The following RPS6KA2 variants were observed in gnomAD, a reference collection of about 807,000 sequenced individuals.
RPS6KA2 encodes the protein ribosomal protein S6 kinase A2.
In RPS6KA2, 42 loss-of-function variants were observed where a neutral mutation model predicts 91.8. The observed-to-expected ratio is 0.46, with a 90% CI of 0.36 to 0.59. RPS6KA2 has a LOEUF of 0.59. RPS6KA2 is among the 20% of genes least tolerant of loss of function. RPS6KA2 has a pLI of 0.00. For synonymous variants in RPS6KA2, 414 were observed against 393.6 expected, an observed-to-expected ratio of 1.05 and a Z score of -0.61; for missense variants, 798 against 978.5, an observed-to-expected ratio of 0.82 and a Z score of 2.46.
chr6:166,757,290 GCTCAAACACACC>G (rs1269586212), intron 2 of RPS6KA2, among the ~76,000 whole-genome samples: 3 of 152,084 alleles, frequency 2.0e-5, no homozygotes, highest in Non-Finnish European at 4.4e-5. Flanking sequence ...GTTTTCTTGG[GCTCAAACACACC>G]CTCAAACACA....
intron 1 of RPS6KA2, among the ~76,000 whole-genome samples, chr6:166,600,120 G>C (rs968503361): frequency 2.0e-5 from 3 of 152,268 alleles, no homozygotes; most frequent in African/African-American, 7.2e-5. Context: ...CAATCCTCCT[G>C]CCTCAGCTTC....
chr6:166,503,088 T>C (rs1363360290), intron 6 of RPS6KA2, among the ~76,000 whole-genome samples: 1 of 152,258 alleles, frequency 6.6e-6, no homozygotes, highest in African/African-American at 2.4e-5. Context: ...TTAAATAATT[T>C]TGTGTATGAA....
intron 2 of RPS6KA2, among the ~76,000 whole-genome samples, chr6:166,650,392 A>AG (rs1413239061): frequency 1.8e-4 from 26 of 141,372 alleles, no homozygotes; most frequent in African/African-American, 6.6e-4. Flanking sequence ...GGTGGGAGGG[A>AG]GGGGGTCCAT....
In RPS6KA2 at chr6:166,664,313, C is replaced by T. The variant is rs138909194; in HGVS notation, c.124-125529G>A. On this transcript the variant is annotated intron_variant, in intron 2 of 21. Transcript: ENST00000503859. ...GAGCCCAGTGAGCTCACAGCTGGAA[C>T]GCTGCTCCACGGGACTGAAAGTAAA... Among the ~76,000 whole-genome samples the T allele has an allele frequency of 4.9e-3, 749 of 152,354 alleles. 9 individuals are homozygous for T. The highest frequency in any genetic ancestry group is 0.017 in the African/African-American group (704 of 41,572).
chr6:166,467,426 A>G (rs183129834), intron 11 of RPS6KA2, among the ~76,000 whole-genome samples: 35 of 152,266 alleles, frequency 2.3e-4, no homozygotes, highest in African/African-American at 6.5e-4. Context: ...GCGAGTCAGA[A>G]AGTGATAAGG....
chr6:166,551,065 G>C (rs1328396286), intron 1 of RPS6KA2, among the ~76,000 whole-genome samples: 3 of 149,340 alleles, frequency 2.0e-5, no homozygotes, highest in African/African-American at 7.3e-5. Flanking sequence ...ACTGAGTTAA[G>C]TGTGATACAT....
At chr6:166,681,378 C>G (rs534964218) in intron 2 of RPS6KA2, among the ~76,000 whole-genome samples, 142 of 152,206 alleles carry the variant, frequency 9.3e-4, no homozygotes, top group African/African-American at 3.3e-3. Flanking sequence ...AATTATAAAC[C>G]AACTCATTGC....
chr6:166,566,973 G>A (rs947452308), intron 1 of RPS6KA2, among the ~76,000 whole-genome samples: 5 of 152,206 alleles, frequency 3.3e-5, no homozygotes, highest in Non-Finnish European at 7.3e-5. Context: ...TTACATCGTC[G>A]CAGGTGCAAA....
intron 14 of RPS6KA2, among the ~76,000 whole-genome samples, chr6:166,438,230 A>G (rs1779403473): frequency 6.6e-6 from 1 of 152,254 alleles, no homozygotes; most frequent in South Asian, 2.1e-4. Flanking sequence ...TTCTCCTTCT[A>G]AAAATAAGCT....
intron 11 of RPS6KA2, among the ~76,000 whole-genome samples, chr6:166,461,780 G>T (rs975096836): frequency 6.6e-6 from 1 of 152,148 alleles, no homozygotes; most frequent in African/African-American, 2.4e-5. Flanking sequence ...GAAAGCAGGG[G>T]CCCACATGGC....
chr6:166,458,776 A>C (rs1780181829), intron 12 of RPS6KA2, among the ~76,000 whole-genome samples: 1 of 152,222 alleles, frequency 6.6e-6, no homozygotes, highest in African/African-American at 2.4e-5. Context: ...GACTGTGAGA[A>C]AATAAATGAC....
chr6:166,421,625 C>A (rs1341384696), intron 17 of RPS6KA2, among the ~76,000 whole-genome samples: 3 of 152,184 alleles, frequency 2.0e-5, no homozygotes, highest in Non-Finnish European at 4.4e-5. Flanking sequence ...TAAAAATTCT[C>A]TGTTCTTTGT....
chr6:166,715,641 G>A (rs566143206), intron 2 of RPS6KA2, among the ~76,000 whole-genome samples: 18 of 152,264 alleles, frequency 1.2e-4, no homozygotes, highest in Admixed American at 3.3e-4. Flanking sequence ...GGCACACACC[G>A]AGGCTATCTG....
At chr6:166,658,298 C>T (rs776757651) in intron 2 of RPS6KA2, among the ~76,000 whole-genome samples, 9 of 152,164 alleles carry the variant, frequency 5.9e-5, no homozygotes, top group Non-Finnish European at 1.2e-4. Flanking sequence ...CTATGCTGAA[C>T]GCTGCATGTG....
At chr6:166,731,635 G>A (rs1790522535) in intron 2 of RPS6KA2, among the ~76,000 whole-genome samples, 1 of 151,932 alleles carries the variant, frequency 6.6e-6, no homozygotes, top group Non-Finnish European at 1.5e-5. Context: ...GGCATCTCCT[G>A]CTTGAGTCGC....
intron 10 of RPS6KA2, among the ~76,000 whole-genome samples, chr6:166,482,459 T>C (rs981941260): frequency 6.6e-6 from 1 of 152,186 alleles, no homozygotes; most frequent in African/African-American, 2.4e-5. Context: ...TCCCAGGAAA[T>C]TCTCTGAGTA....
At chr6:166,477,334 G>A (rs1346407366) in intron 10 of RPS6KA2, among the ~76,000 whole-genome samples, 3 of 152,050 alleles carry the variant, frequency 2.0e-5, no homozygotes, top group Non-Finnish European at 4.4e-5. Flanking sequence ...GCTTCCAGGG[G>A]GCTGGTATCT....
chr6:166,462,772 G>A (rs1356905231), intron 11 of RPS6KA2, among the ~76,000 whole-genome samples: 1 of 152,196 alleles, frequency 6.6e-6, no homozygotes, highest in Non-Finnish European at 1.5e-5. Context: ...TCCACCCCTC[G>A]GCTGTGAGCC....
intron 11 of RPS6KA2, among the ~76,000 whole-genome samples, chr6:166,468,334 G>A (rs1356349953): frequency 2.6e-5 from 4 of 152,182 alleles, no homozygotes; most frequent in Non-Finnish European, 5.9e-5. Flanking sequence ...TCTTACTTTC[G>A]AAAAGAAGTC....
Sources: gnomAD v4.1 joint callset for allele counts (sites outside exome capture counted in the v4.1 genomes callset) on GRCh38, gnomAD v4.1.1 for gene constraint, MANE v1.5 for transcripts, NCBI Gene and HGNC (gene_info 2026-07-23, HGNC 2026-07-21) for gene names.